DCC: variants seen among roughly 807,000 people sequenced by gnomAD.
DCC encodes the protein DCC netrin 1 receptor, also known as netrin receptor DCC.
Under a neutral mutation model 172.5 loss-of-function variants are expected in DCC, and 58 were observed. The ratio of observed to expected loss-of-function variants is 0.34; its 90% CI spans 0.27 to 0.42. The LOEUF (loss-of-function observed/expected upper bound fraction) is 0.42, where lower values mean the gene tolerates loss of function less well. Ranked by LOEUF, DCC falls within the 10% of genes least tolerant of loss-of-function variation. The pLI, the probability that DCC is intolerant of heterozygous loss-of-function variation, is 1.00. For synonymous variants in DCC, 709 were observed against 644.5 expected, an observed-to-expected ratio of 1.10 and a Z score of -1.52; for missense variants, 1,740 against 1,791.0, an observed-to-expected ratio of 0.97 and a Z score of 0.51.
Position 53,339,751 on chromosome 18 carries a change from A to C in DCC, c.2203A>C (p.Arg735=). The part of the protein sequence containing the change: ...VPDQPSSLHV[R]PQTNCIIMSW... ...TGATCAACCAAGCTCTCTTCATGTG[A>C]GGCCCCAGACTAACTGCATCATCAT... Residue 735 remains arginine (R), a synonymous_variant, in exon 15 of 29, where the codon AGG becomes CGG. Coordinates refer to ENST00000442544, the MANE Select transcript of DCC (RefSeq NM_005215.4). The C allele has an allele frequency of 1.2e-6, 2 of 1,613,948 alleles. No homozygotes were observed.
At chr18:52,407,242 A>C (rs958224315) in intron 1 of DCC, among the ~76,000 whole-genome samples, 4 of 152,094 alleles carry the variant, frequency 2.6e-5, no homozygotes, top group Admixed American at 2.6e-4. Flanking sequence ...TTATGGGCAA[A>C]TGTCAAGAGA....
chr18:52,641,050 G>A (rs1013691128), intron 1 of DCC, among the ~76,000 whole-genome samples: 41 of 152,114 alleles, frequency 2.7e-4, no homozygotes, highest in Non-Finnish European at 1.0e-4. Context: ...AGAAAAGCCA[G>A]AAATTGAACC....
chr18:53,140,811 A>G (rs2144348142), intron 7 of DCC, among the ~76,000 whole-genome samples: 1 of 152,268 alleles, frequency 6.6e-6, no homozygotes, highest in East Asian at 1.9e-4. Flanking sequence ...GACAAAGGGA[A>G]TTTCATCAAA....
At chr18:53,476,237 A>G (rs533746150) in intron 25 of DCC, among the ~76,000 whole-genome samples, 2 of 152,262 alleles carry the variant, frequency 1.3e-5, no homozygotes, top group Non-Finnish European at 1.5e-5. Flanking sequence ...TTAATGCTGA[A>G]ATGAGTTAAG....
At chr18:52,744,812 A>G (rs979557609) in intron 1 of DCC, among the ~76,000 whole-genome samples, 4 of 152,226 alleles carry the variant, frequency 2.6e-5, no homozygotes, top group Admixed American at 2.6e-4. Flanking sequence ...TAAGGGGCAG[A>G]TCAGCCTGGT....
intron 12 of DCC, among the ~76,000 whole-genome samples, chr18:53,277,223 A>G (rs573771088): frequency 4.9e-4 from 75 of 152,282 alleles, no homozygotes; most frequent in Middle Eastern, 3.4e-3. Flanking sequence ...TAATCTCAGC[A>G]CTTTGGGAGG....
chr18:52,706,872 C>G (rs1390429182), intron 1 of DCC, among the ~76,000 whole-genome samples: 39 of 152,252 alleles, frequency 2.6e-4, no homozygotes, highest in Non-Finnish European at 7.4e-5. Context: ...CCCAAGGTGT[C>G]TCCTTTCTGA....
intron 1 of DCC, among the ~76,000 whole-genome samples, chr18:52,477,566 C>T (rs1421880701): frequency 6.6e-6 from 1 of 152,116 alleles, no homozygotes; most frequent in East Asian, 1.9e-4. Flanking sequence ...AAGAAATTTT[C>T]CCAAACCATA....
At chr18:52,346,026 T>G (rs904831220) in intron 1 of DCC, among the ~76,000 whole-genome samples, 1 of 152,184 alleles carries the variant, frequency 6.6e-6, no homozygotes, top group Non-Finnish European at 1.5e-5. Flanking sequence ...TTACTACTTT[T>G]CAGAGGAAAA....
intron 15 of DCC, among the ~76,000 whole-genome samples, chr18:53,382,691 ACTTT>A (rs1907859825): frequency 6.6e-6 from 1 of 152,156 alleles, no homozygotes; most frequent in African/African-American, 2.4e-5. Flanking sequence ...TTGATTGATT[ACTTT>A]CTTATTAGGA....
At chr18:53,269,113 T>A (rs761784884) in intron 12 of DCC, among the ~76,000 whole-genome samples, 2 of 152,140 alleles carry the variant, frequency 1.3e-5, no homozygotes, top group Non-Finnish European at 2.9e-5. Context: ...TGTGTGTGCA[T>A]GCACGCGCAT....
At chr18:52,437,530 T>C (rs1987835670) in intron 1 of DCC, among the ~76,000 whole-genome samples, 1 of 152,192 alleles carries the variant, frequency 6.6e-6, no homozygotes, top group Admixed American at 6.5e-5. Context: ...AGGACCAGTT[T>C]AAATAAGAAG....
At chr18:52,815,168 T>C (rs1449725241) in intron 2 of DCC, among the ~76,000 whole-genome samples, 1 of 152,144 alleles carries the variant, frequency 6.6e-6, no homozygotes, top group Non-Finnish European at 1.5e-5. Context: ...TGGTGAAATA[T>C]GGACTGATTA....
At chr18:52,416,091 TC>T (rs1987017275) in intron 1 of DCC, among the ~76,000 whole-genome samples, 1 of 152,214 alleles carries the variant, frequency 6.6e-6, no homozygotes, top group African/African-American at 2.4e-5. Context: ...CTCGTTGGTT[TC>T]AAAGAACATC....
In DCC at chr18:53,299,480, C is replaced by T. The variant is rs191813583; in HGVS notation, c.1912-6098C>T. Among the ~76,000 whole-genome samples the T allele has an allele frequency of 5.5e-4, 84 of 152,244 alleles. 1 individual carries two copies. The highest frequency in any genetic ancestry group is 2.0e-3 in the African/African-American group (84 of 41,552). On this transcript the variant is annotated intron_variant, in intron 12 of 28. Transcript: ENST00000442544. The stretch of plus-strand genomic sequence containing the variant: ...ATATTTCCTGTTTTAAATACCATTC[C>T]CAACCCCTCCGTGAACTCCAAATCA...
At chr18:52,957,774 A>G (rs547452551) in intron 5 of DCC, among the ~76,000 whole-genome samples, 1 of 152,050 alleles carries the variant, frequency 6.6e-6, no homozygotes, top group African/African-American at 2.4e-5. Context: ...TGTGCGAAGA[A>G]CTCAATAGGA....
chr18:52,424,031 C>T (rs1301402739), intron 1 of DCC, among the ~76,000 whole-genome samples: 1 of 152,042 alleles, frequency 6.6e-6, no homozygotes, highest in African/African-American at 2.4e-5. Flanking sequence ...GAGGGTGGTG[C>T]AAGTTCAGTA....
chr18:52,459,709 T>C (rs1220426371), intron 1 of DCC, among the ~76,000 whole-genome samples: 1 of 152,020 alleles, frequency 6.6e-6, no homozygotes, highest in African/African-American at 2.4e-5. Flanking sequence ...GACCTCGTGA[T>C]ATGCCCGCCT....
chr18:53,179,169 A>G, intron 9 of DCC, 53 bp downstream of exon 9: 1 of 1,524,784 alleles, frequency 6.6e-7, no homozygotes. Context: ...TTTCCTCTGC[A>G]ATATCCTTGA....
Sources: allele counts gnomAD v4.1 joint callset (sites outside exome capture counted in the v4.1 genomes callset), GRCh38; gene constraint gnomAD v4.1.1; transcripts MANE v1.5; gene names NCBI Gene and HGNC (gene_info 2026-07-23, HGNC 2026-07-21).